The following DPY19L1 variants were observed in gnomAD, a reference collection of about 807,000 sequenced individuals.
The protein encoded by DPY19L1 is dpy-19 like C-mannosyltransferase 1.
DPY19L1 carries 35 observed loss-of-function variants against 96.9 expected under a neutral mutation model. That is an observed-to-expected ratio of 0.36 (90% CI 0.28 to 0.48). DPY19L1 has a LOEUF of 0.48. Among genes scored for constraint, DPY19L1 ranks in the 20% least tolerant of loss-of-function variants. The pLI, the probability that DPY19L1 is intolerant of heterozygous loss-of-function variation, is 0.99. For synonymous variants in DPY19L1, 205 were observed against 252.6 expected, an observed-to-expected ratio of 0.81 and a Z score of 1.79; for missense variants, 521 against 777.9, an observed-to-expected ratio of 0.67 and a Z score of 3.93.
At chr7:34,939,489 T>A in intron 19 of DPY19L1, 114 bp from the exon 20 acceptor site, 1 of 797,842 alleles carries the variant, frequency 1.3e-6, no homozygotes, top group Non-Finnish European at 2.0e-6. Flanking sequence ...AGCAGGTTCA[T>A]GACTTCAAGA....
intron 9 of DPY19L1, among the ~76,000 whole-genome samples, chr7:34,968,978 T>C (rs1309132887): frequency 1.3e-5 from 2 of 152,058 alleles, no homozygotes; most frequent in African/African-American, 4.8e-5. Context: ...TTATAAGAGA[T>C]GAACTGGTTA....
chr7:34,959,769 C>T (rs564761376), intron 10 of DPY19L1, among the ~76,000 whole-genome samples: 12 of 151,250 alleles, frequency 7.9e-5, no homozygotes, highest in South Asian at 6.3e-4. Flanking sequence ...ATGTAGATGA[C>T]GGGTTGATGG....
At chr7:35,029,470 G>A (rs539155223) in intron 1 of DPY19L1, among the ~76,000 whole-genome samples, 110 of 152,242 alleles carry the variant, frequency 7.2e-4, no homozygotes, top group African/African-American at 2.6e-3. Flanking sequence ...TATTCAGCAA[G>A]AGATTTAACA....
At chr7:34,966,032 T>C (rs1272281448) in intron 10 of DPY19L1, among the ~76,000 whole-genome samples, 1 of 152,102 alleles carries the variant, frequency 6.6e-6, no homozygotes, top group Non-Finnish European at 1.5e-5. Context: ...CTAAAATCTT[T>C]TTTTGTATTT....
At chr7:35,003,494 T>C (rs1249903647) in intron 6 of DPY19L1, among the ~76,000 whole-genome samples, 1 of 152,208 alleles carries the variant, frequency 6.6e-6, no homozygotes, top group Non-Finnish European at 1.5e-5. Flanking sequence ...TTAAAGACAC[T>C]TATATCACTC....
intron 6 of DPY19L1, among the ~76,000 whole-genome samples, chr7:34,993,338 C>T (rs796116885): frequency 1.4e-4 from 21 of 152,232 alleles, no homozygotes; most frequent in African/African-American, 4.8e-4. Flanking sequence ...AATCATTTAT[C>T]AAGTAAACAT....
chr7:35,032,247 T>C (rs1469010244), intron 1 of DPY19L1, among the ~76,000 whole-genome samples: 4 of 152,150 alleles, frequency 2.6e-5, no homozygotes, highest in Non-Finnish European at 1.5e-5. Flanking sequence ...AAATATAGCA[T>C]ACTAGTTAAG....
chr7:34,933,218 T>C (rs1477931508), intron 21 of DPY19L1, among the ~76,000 whole-genome samples: 1 of 152,190 alleles, frequency 6.6e-6, no homozygotes, highest in Non-Finnish European at 1.5e-5. Context: ...CAGTGGCAGT[T>C]ACTGAGATTT....
At chr7:35,017,501 C>CAAAAAAAAAAAAAA (rs1161959357) in intron 3 of DPY19L1, among the ~76,000 whole-genome samples, 6 of 13,678 alleles carry the variant, frequency 4.4e-4, no homozygotes, top group African/African-American at 1.9e-3. Flanking sequence ...GACTCCGTCT[C>CAAAAAAAAAAAAAA]AAAAAAAAAA....
intron 1 of DPY19L1, among the ~76,000 whole-genome samples, chr7:35,033,052 C>CTCCTGTTGAGCATTCCTCAATGGCT (rs1198368142): frequency 3.9e-5 from 6 of 152,178 alleles, no homozygotes; most frequent in African/African-American, 9.7e-5. Context: ...TGTCACTCTC[C>CTCCTGTTGAGCATTCCTCAATGGCT]TCCTGTTGAG....
chr7:34,942,466 A>G (rs1784042420), intron 17 of DPY19L1, 149 bp downstream of exon 17: 1 of 685,168 alleles, frequency 1.5e-6, no homozygotes, highest in African/African-American at 1.8e-5. Context: ...GTGAATCTGC[A>G]TATAGCATTC....
At chr7:34,981,454 C>CAA (rs1784937616) in intron 7 of DPY19L1, among the ~76,000 whole-genome samples, 1 of 152,080 alleles carries the variant, frequency 6.6e-6, no homozygotes, top group South Asian at 2.1e-4. Flanking sequence ...AGAGGATATT[C>CAA]AAGTGTCTCA....
At position 34,929,891 on chromosome 7, in the gene DPY19L1, T is replaced by C. The variant is rs1236556685; in HGVS notation, c.*1682A>G. 3 of 152,272 alleles carry C rather than the reference T, an allele frequency of 2.0e-5. No homozygotes were observed. Among genetic ancestry groups the C allele is most frequent in the Non-Finnish European group, 4.4e-5 (3 of 68,062 alleles). The allele number at this position is 152,272 out of a possible 1,614,324, so 9.4% of individuals were successfully genotyped here. A position where few individuals can be genotyped will look rare whatever the true frequency, so the allele number is the denominator to read the frequency against. ...AAGAACGCTGCCAGAGTCCCTCTCC[T>C]GGGCTGCCTCCAGGGAAGGAGCATC... On this transcript the variant is annotated 3_prime_UTR_variant, in exon 22 of 22. Transcript: ENST00000638088.
intron 19 of DPY19L1, 41 bp from the exon 20 acceptor site, chr7:34,939,416 A>G (rs773401850): frequency 6.5e-7 from 1 of 1,549,984 alleles, no homozygotes; most frequent in East Asian, 2.3e-5. Context: ...CACTCAGTGA[A>G]GGCGAGAAGG....
chr7:35,033,212 T>G (rs1333374359), intron 1 of DPY19L1, among the ~76,000 whole-genome samples: 1 of 152,234 alleles, frequency 6.6e-6, no homozygotes, highest in Non-Finnish European at 1.5e-5. Flanking sequence ...GCTGACATCT[T>G]TTCTTTCTAT....
At chr7:35,017,825 T>C in intron 3 of DPY19L1, 57 bp downstream of exon 3, 1 of 1,348,648 alleles carries the variant, frequency 7.4e-7, no homozygotes. Context: ...TAATAAAAAA[T>C]ATTAAATGTT....
rs140921568 is a variant in DPY19L1 at position 35,006,124 on chromosome 7, C to T, written c.764+4344G>A. 3.1e-3 allele frequency among the ~76,000 whole-genome samples: 478 copies of T among 152,284 alleles called. 3 individuals carry two copies. Among genetic ancestry groups the T allele is most frequent in the African/African-American group, 0.011 (452 of 41,550 alleles). On this transcript the variant is annotated intron_variant, in intron 6 of 21. Transcript: ENST00000638088. ...AAAGAAAAAATCTCCTGCTTATAAACCCTGTTATTGTTTGCACTCATCCTT... is the reference window on the plus strand; with the variant it reads ...AAAGAAAAAATCTCCTGCTTATAAATCCTGTTATTGTTTGCACTCATCCTT...
At chr7:34,954,031 G>GA (rs1339783795) in intron 13 of DPY19L1, among the ~76,000 whole-genome samples, 2 of 151,894 alleles carry the variant, frequency 1.3e-5, no homozygotes, top group East Asian at 1.9e-4. Flanking sequence ...TACACTATAG[G>GA]AAAAAAATAG....
At chr7:34,983,003 T>C (rs1055494228) in intron 7 of DPY19L1, among the ~76,000 whole-genome samples, 7 of 152,280 alleles carry the variant, frequency 4.6e-5, no homozygotes, top group East Asian at 1.9e-4. Flanking sequence ...ACCTGGAAAG[T>C]TGGAGACTGA....
Sources: allele counts gnomAD v4.1 joint callset (sites outside exome capture counted in the v4.1 genomes callset), GRCh38; gene constraint gnomAD v4.1.1; transcripts MANE v1.5; gene names NCBI Gene and HGNC (gene_info 2026-07-23, HGNC 2026-07-21).